HGS: variants seen among roughly 807,000 people sequenced by gnomAD.
HGS encodes human growth factor-regulated tyrosine kinase substrate.
In HGS, 63 loss-of-function variants were observed where a neutral mutation model predicts 109.7. The ratio of observed to expected loss-of-function variants is 0.57; its 90% CI spans 0.47 to 0.71. The LOEUF is 0.71. Ranked by LOEUF, HGS falls within the 30% of genes least tolerant of loss-of-function variation. HGS has a pLI of 0.00. For missense variants in HGS, 995 were observed against 1,068.3 expected (o/e 0.93, Z 0.96); for synonymous variants, 546 against 437.3 (o/e 1.25, Z -3.10).
At chr17:81,700,988 TC>T in intron 20 of HGS, 56 bp from the exon 21 acceptor site, 1 of 1,563,700 alleles carries the variant, frequency 6.4e-7, no homozygotes. Flanking sequence ...GCCAGAAACA[TC>T]CCCGCCTGCC....
chr17:81,697,663 C>G (rs1026150195), intron 18 of HGS: 1 of 152,186 alleles, frequency 6.6e-6, no homozygotes, highest in Non-Finnish European at 1.5e-5. Context: ...TGGGACTCCT[C>G]AAGGTCTAGC....
At chr17:81,697,350 C>CG (rs1491273455) in intron 18 of HGS, 6 of 1,560 alleles carry the variant, frequency 3.8e-3, no homozygotes, top group African/African-American at 7.1e-3. Context: ...GTGGCATTTG[C>CG]CCCCCCCCCC....
intron 3 of HGS, among the ~76,000 whole-genome samples, 193 bp downstream of exon 3, chr17:81,686,580 G>A (rs942504005): frequency 1.3e-5 from 2 of 152,230 alleles, no homozygotes; most frequent in Non-Finnish European, 2.9e-5. Context: ...GGAGAGACAG[G>A]AGATAGGGGA....
Position 81,700,585 on chromosome 17 carries a change from C to T in HGS, c.2001C>T (p.Pro667=), listed in dbSNP as rs374387360. ...CTTACTCATCCTACCAGCCTACTCCCACAGCGGGCTACCAGGTACACAGGA... is the reference window on the plus strand; with the variant it reads ...CTTACTCATCCTACCAGCCTACTCCTACAGCGGGCTACCAGGTACACAGGA... ...SPAYSSYQPT[P]TAGYQNVASQ... Residue 667 remains proline, a synonymous_variant, in exon 19 of 22, where the codon CCC becomes CCT. Coordinates refer to ENST00000329138, the MANE Select transcript of HGS (RefSeq NM_004712.5). 2 of 1,607,148 alleles carry T rather than the reference C, an allele frequency of 1.2e-6. No homozygotes were observed. The highest frequency in any genetic ancestry group is 1.7e-6 in the Non-Finnish European group (2 of 1,176,268).
Position 81,696,725 on chromosome 17 carries a change from C to T in HGS, c.1685C>T (p.Ala562Val). 6.2e-7 allele frequency: 1 copy of T among 1,607,752 alleles called. No homozygotes were observed. Reference sequence around the variant, plus strand: ...GTCCAGATGCGCGCGCAGATGCCCGCCTTCCCCCTGCCCTACGCCCAGGCA... The same window carrying T: ...GTCCAGATGCGCGCGCAGATGCCCGTCTTCCCCCTGCCCTACGCCCAGGCA... ...QTVQMRAQMP[A>V]FPLPYAQLQA... Residue 562 changes from alanine to valine, a missense_variant, in exon 17 of 22, where the codon GCC becomes GTC. Physicochemically the swap from Ala to Val is moderately conservative, Grantham distance 64. Around this residue, in one of 6 missense-constraint regions of HGS, gnomAD observed 326 missense variants for 309.7 expected, o/e 1.05. Coordinates refer to ENST00000329138, the MANE Select transcript of HGS (RefSeq NM_004712.5).
At position 81,700,752 on chromosome 17, in the gene HGS, AGCACCATGG is replaced by A. The variant is rs1356763763; in HGVS notation, c.2077_2085del (p.Thr693_Gly695del). 41 of 1,612,112 alleles carry A rather than the reference AGCACCATGG, an allele frequency of 2.5e-5. 1 individual carries two copies. Among genetic ancestry groups the A allele is most frequent in the Non-Finnish European group, 3.3e-5 (39 of 1,179,804 alleles). Reference sequence around the variant, plus strand: ...GGCCATCTCTCAGCCTCCGCAGTCCAGCACCATGGGCTACATGGGGAGCCAGTCAGTCTC... The same window carrying A: ...GGCCATCTCTCAGCCTCCGCAGTCCAGCTACATGGGGAGCCAGTCAGTCTC... On this transcript the variant is annotated inframe_deletion, in exon 20 of 22. Transcript: ENST00000329138.
At chr17:81,690,502 C>A in intron 6 of HGS, 172 bp from the exon 7 acceptor site, 1 of 638,522 alleles carries the variant, frequency 1.6e-6, no homozygotes, top group Non-Finnish European at 2.6e-6. Flanking sequence ...TTCCTCAGGC[C>A]TCGGCAGCTT....
At chr17:81,686,596 T>C (rs542037499) in intron 3 of HGS, among the ~76,000 whole-genome samples, 3 of 151,578 alleles carry the variant, frequency 2.0e-5, no homozygotes, top group South Asian at 4.2e-4. Context: ...GGGGAGGGAG[T>C]GGGCACCACT....
At position 81,696,858 on chromosome 17, in the gene HGS, A is replaced by T; in HGVS notation, c.1742A>T (p.Tyr581Phe). ...QAMPAAGGVL[Y>F]QPSGPASFPS... is the part of the protein sequence containing the mutation. ...ATGCCCGCAGCCGGAGGTGTGCTCTACCAGCCCTCGGGACCAGCCAGCTTC... is the reference window on the plus strand; with the variant it reads ...ATGCCCGCAGCCGGAGGTGTGCTCTTCCAGCCCTCGGGACCAGCCAGCTTC... Residue 581 changes from tyrosine to phenylalanine, a missense_variant, in exon 18 of 22, where the codon TAC (tyrosine) becomes TTC (phenylalanine). This residue lies in a region of HGS where 326 missense variants were observed against 309.7 expected (regional missense o/e 1.05). Coordinates refer to ENST00000329138, the MANE Select transcript of HGS (RefSeq NM_004712.5). The T allele has an allele frequency of 6.2e-7, 1 of 1,610,726 alleles. No individual in the cohort carries two copies. Among genetic ancestry groups the T allele is most frequent in the South Asian group, 1.1e-5 (1 of 91,012 alleles).
chr17:81,693,560 C>A lies in HGS; in HGVS notation c.720C>A (p.Ser240Arg), dbSNP rs765889284. The A allele has an allele frequency of 2.6e-4, 412 of 1,611,012 alleles. No individual in the cohort carries two copies. Among genetic ancestry groups the A allele is most frequent in the Non-Finnish European group, 3.2e-4 (374 of 1,177,926 alleles). The change falls in exon 9 of 22, where the codon AGC becomes AGA. Residue 240 changes from serine (S) to arginine (R), a missense_variant. Physicochemically the swap from Ser to Arg is moderately radical, Grantham distance 110. Transcript: ENST00000329138. ...AGCTGCCCCCCGAGTACCTGACCAGCCCCCTGTCTCAGCAGTCCCAGGTAC... is the reference window on the plus strand; with the variant it reads ...AGCTGCCCCCCGAGTACCTGACCAGACCCCTGTCTCAGCAGTCCCAGGTAC... ...TTELPPEYLTSPLSQQSQLPP... is the reference protein window; with the variant it reads ...TTELPPEYLTRPLSQQSQLPP...
intron 1 of HGS, chr17:81,684,924 T>G (rs766507062): frequency 4.4e-5 from 43 of 985,236 alleles, no homozygotes; most frequent in African/African-American, 5.2e-5. Context: ...AATCCAGAGG[T>G]TAACTACTGA....
intron 21 of HGS, 75 bp downstream of exon 21, chr17:81,701,206 TG>T: frequency 1.5e-6 from 2 of 1,300,164 alleles, no homozygotes; most frequent in Non-Finnish European, 2.2e-6. Flanking sequence ...ATGGGACCCC[TG>T]GCCCCAGTGG....
At chr17:81,685,991 C>T (rs1041805395) in intron 2 of HGS, among the ~76,000 whole-genome samples, 1 of 152,056 alleles carries the variant, frequency 6.6e-6, no homozygotes, top group Non-Finnish European at 1.5e-5. Context: ...AGTGCAGTGG[C>T]GTGATCTCAG....
rs374290925 is a variant in HGS, at chr17:81,696,029, CAG to C, written c.1393+31_1393+32del. ...GTGCCCGCGCCACGGGGCCTCGGCT[CAG>C]GGGCAGCCAGGTGTTGTGAGCGCCA... On this transcript the variant is annotated intron_variant, in intron 15 of 21. Transcript: ENST00000329138. 1.1e-3 allele frequency: 1,700 copies of C among 1,514,216 alleles called. 1 individual carries two copies. The highest frequency in any genetic ancestry group is 4.0e-3 in the African/African-American group (291 of 72,286). 93.8% of individuals were successfully genotyped at this position (1,514,216 alleles called of 1,614,324 possible). A position where few individuals can be genotyped will look rare whatever the true frequency, so the allele number is the denominator to read the frequency against.
intron 2 of HGS, 63 bp from the exon 3 acceptor site, chr17:81,686,249 T>G: frequency 1.4e-6 from 2 of 1,380,840 alleles, no homozygotes; most frequent in Non-Finnish European, 2.0e-6. Context: ...GCTTTTCTCA[T>G]CTTAGTTGCT....
At position 81,691,219 on chromosome 17, in the gene HGS, A is replaced by G. The variant is rs35618583; in HGVS notation, c.538-228A>G. 0.071 allele frequency: 39,165 copies of G among 553,882 alleles called. 2,150 individuals carry two copies. The highest frequency in any genetic ancestry group is 0.26 in the East Asian group (8,573 of 32,626). The allele number at this position is 553,882 out of a possible 1,614,324, so 34.3% of individuals were successfully genotyped here. A position where few individuals can be genotyped will look rare whatever the true frequency, so the allele number is the denominator to read the frequency against. On this transcript the variant is annotated intron_variant, in intron 7 of 21. Transcript: ENST00000329138. The surrounding 1 kb of genome is among the most constrained non-coding windows in gnomAD (Gnocchi z 5.3). ...TGATGTGTATTTTTTCCTTGCCCTT[A>G]CTTTTAACTTACCTTATTTTCCCCA...
rs756094303 is a variant in HGS at position 81,686,298 on chromosome 17, T to C, written c.123-14T>C. 33 of 1,609,038 alleles carry C rather than the reference T, an allele frequency of 2.1e-5. No individual in the cohort carries two copies. Among genetic ancestry groups the C allele is most frequent in the Non-Finnish European group, 2.6e-5 (31 of 1,176,172 alleles). On this transcript the variant is annotated splice_polypyrimidine_tract_variant and intron_variant, in intron 2 of 21. Transcript: ENST00000329138. ...TCCCGTTTTTCTCTGCTTTTATCAA[T>C]GTTTCCTTTTCAGAGCAAAATATGC...
Position 81,693,962 on chromosome 17 carries a change from T to A in HGS, c.933T>A (p.Pro311=). The change falls in exon 11 of 22, where the codon CCT becomes CCA. Residue 311 remains proline (P), a synonymous_variant. Transcript: ENST00000329138. ...CCGCCAGCAGCCTGTACTCTTCACC[T>A]GTGGTGAGCGGCCCTTGGGCTGGAG... ...APPASSLYSS[P]VNSSAPLAED... is the part of the protein sequence containing the mutation. 1 of 1,607,176 alleles carries A rather than the reference T, an allele frequency of 6.2e-7. No homozygotes were observed. Among genetic ancestry groups the A allele is most frequent in the African/African-American group, 1.3e-5 (1 of 74,814 alleles).
At position 81,693,848 on chromosome 17, in the gene HGS, G is replaced by A. The variant is rs768786503; in HGVS notation, c.841-22G>A. ...GGGGCGTCACGTGCACCCAAGTGAC[G>A]CCCCTTCTGATTCTGCCTCAGAGAC... On this transcript the variant is annotated intron_variant, in intron 10 of 21. Transcript: ENST00000329138. 69 of 1,587,954 alleles carry A rather than the reference G, an allele frequency of 4.3e-5. No homozygotes were observed. The South Asian group carries it at 6.9e-4, about 16-fold the overall frequency.
Sources: allele counts gnomAD v4.1 joint callset (sites outside exome capture counted in the v4.1 genomes callset), GRCh38; gene constraint gnomAD v4.1.1; regional missense constraint gnomAD v4.1.1; non-coding constraint Gnocchi (gnomAD v3.1); transcripts MANE v1.5; gene names NCBI Gene and HGNC (gene_info 2026-07-23, HGNC 2026-07-21).